COL6A5: variants seen among roughly 807,000 people sequenced by gnomAD.
COL6A5 encodes the protein collagen type VI alpha 5 chain, also known as collagen alpha-5(VI) chain.
Under a neutral mutation model 65.6 loss-of-function variants are expected in COL6A5, and 48 were observed. That is an observed-to-expected ratio of 0.73 (90% CI 0.58 to 0.93). The LOEUF (loss-of-function observed/expected upper bound fraction) is 0.93, where lower values mean the gene tolerates loss of function less well. Ranked by LOEUF, COL6A5 falls within the 40% of genes least tolerant of loss-of-function variation. The pLI, the probability that COL6A5 is intolerant of heterozygous loss-of-function variation, is 0.00. For missense variants in COL6A5, 914 were observed against 928.3 expected (o/e 0.98, Z 0.20); for synonymous variants, 291 against 322.8 (o/e 0.90, Z 1.05).
chr3:130,424,053 T>A (rs541148277), intron 29 of COL6A5, among the ~76,000 whole-genome samples, 153 bp downstream of exon 29: 6 of 152,236 alleles, frequency 3.9e-5, no homozygotes, highest in Admixed American at 1.3e-4. Context: ...TTGAGTTTAT[T>A]TCTAAAATGA....
At chr3:130,406,752 C>T (rs1253305957) in intron 17 of COL6A5, among the ~76,000 whole-genome samples, 4 of 151,778 alleles carry the variant, frequency 2.6e-5, no homozygotes, top group African/African-American at 9.7e-5. Context: ...CATTTTTTAA[C>T]TTTACATTTA....
intron 7 of COL6A5, among the ~76,000 whole-genome samples, chr3:130,480,066 C>T (rs1486052451): frequency 6.6e-6 from 1 of 151,882 alleles, no homozygotes; most frequent in African/African-American, 2.4e-5. Flanking sequence ...CTTCAAGATC[C>T]ATCGATGTAA....
At chr3:130,449,257 T>C (rs1401763000) in intron 4 of COL6A5, among the ~76,000 whole-genome samples, 2 of 152,164 alleles carry the variant, frequency 1.3e-5, no homozygotes, top group Non-Finnish European at 2.9e-5. Flanking sequence ...TGTTTTCTTT[T>C]ATAGTAACTG....
chr3:130,390,643 G>GA (rs1008304171), intron 6 of COL6A5, among the ~76,000 whole-genome samples: 3 of 152,094 alleles, frequency 2.0e-5, no homozygotes, highest in African/African-American at 7.2e-5. Flanking sequence ...AAGGTTAGGG[G>GA]AAAAAGCATA....
intron 6 of COL6A5, among the ~76,000 whole-genome samples, chr3:130,390,212 A>T (rs1936345499): frequency 6.6e-6 from 1 of 152,088 alleles, no homozygotes; most frequent in Admixed American, 6.6e-5. Flanking sequence ...ATTAATGTAA[A>T]TGTGGAGGCC....
chr3:130,353,730 AAAG>A (rs1314947608), intron 1 of COL6A5, among the ~76,000 whole-genome samples: 3 of 151,794 alleles, frequency 2.0e-5, no homozygotes, highest in Non-Finnish European at 4.4e-5. Context: ...TCTGAAAAAA[AAAG>A]AACAAAAGGA....
rs59570237 is a variant in COL6A5 at position 130,468,658 on chromosome 3, AT to A, written c.1545-136del. 4.0e-3 allele frequency: 2,576 copies of A among 637,366 alleles called. 63 individuals carry two copies. The African/African-American group carries it at 0.043, about 11-fold the overall frequency. 39.5% of individuals were successfully genotyped at this position (637,366 alleles called of 1,614,324 possible). On this transcript the variant is annotated intron_variant, in intron 5 of 7. Coordinates refer to ENST00000512836, the Ensembl canonical transcript of COL6A5. Reference sequence around the variant, plus strand: ...TGGAGGGTGCATCTGGGAACAAGCAATGTGATTATTGATGTCTGCCATGAGT... The same window carrying A: ...TGGAGGGTGCATCTGGGAACAAGCAAGTGATTATTGATGTCTGCCATGAGT...
intron 28 of COL6A5, among the ~76,000 whole-genome samples, chr3:130,423,199 C>T (rs977101137): frequency 1.3e-5 from 2 of 152,168 alleles, no homozygotes; most frequent in Non-Finnish European, 2.9e-5. Context: ...CACTATCCAT[C>T]ACAAGGTCAT....
chr3:130,376,537 C>T (rs1329269378), exon 3 of COL6A5: 1 of 1,606,016 alleles, frequency 6.2e-7, no homozygotes, highest in Admixed American at 1.7e-5. Context: ...ACCTACTTCT[C>T]TGCACCCATA....
chr3:130,445,697 G>A (rs1413145606), intron 4 of COL6A5, among the ~76,000 whole-genome samples: 5 of 152,056 alleles, frequency 3.3e-5, no homozygotes, highest in African/African-American at 4.8e-5. Flanking sequence ...CTTTATCTTC[G>A]CATTTTAAGG....
intron 1 of COL6A5, among the ~76,000 whole-genome samples, chr3:130,355,051 C>CT (rs146952892): frequency 0.15 from 22,743 of 151,518 alleles, 2,241 homozygotes; most frequent in Non-Finnish European, 0.22. Flanking sequence ...TTAATTTCAC[C>CT]TTTTTTTTAC....
At chr3:130,384,447 A>C (rs1367525090) in intron 4 of COL6A5, among the ~76,000 whole-genome samples, 1 of 152,066 alleles carries the variant, frequency 6.6e-6, no homozygotes, top group Non-Finnish European at 1.5e-5. Context: ...CGTCAATCCC[A>C]TGCCTTTTTT....
At chr3:130,393,715 G>C (rs1012547192) in intron 7 of COL6A5, among the ~76,000 whole-genome samples, 1 of 152,186 alleles carries the variant, frequency 6.6e-6, no homozygotes, top group African/African-American at 2.4e-5. Context: ...GCTAAACAAA[G>C]CTCCAAACCT....
At chr3:130,466,742 A>G (rs1709826950) in intron 5 of COL6A5, among the ~76,000 whole-genome samples, 1 of 152,026 alleles carries the variant, frequency 6.6e-6, no homozygotes, top group Admixed American at 6.6e-5. Context: ...GAACAAAGAG[A>G]AGACACAACT....
chr3:130,415,599 C>G, intron 22 of COL6A5, 46 bp from the exon 23 acceptor site: 1 of 1,503,646 alleles, frequency 6.7e-7, no homozygotes, highest in Non-Finnish European at 9.0e-7. Context: ...GAGAAGTAAG[C>G]TTTCATTGAC....
At chr3:130,461,272 G>A (rs1012770385) in intron 5 of COL6A5, among the ~76,000 whole-genome samples, 4 of 151,800 alleles carry the variant, frequency 2.6e-5, no homozygotes, top group African/African-American at 9.7e-5. Context: ...TGCTTTGGGG[G>A]GATCAATATT....
chr3:130,391,515 A>G, exon 7 of COL6A5: 1 of 1,551,762 alleles, frequency 6.4e-7, no homozygotes. Flanking sequence ...AATGTGAAGC[A>G]GATGCTGATT....
At chr3:130,411,613 G>C (rs1376653788) in intron 20 of COL6A5, among the ~76,000 whole-genome samples, 1 of 152,170 alleles carries the variant, frequency 6.6e-6, no homozygotes, top group Non-Finnish European at 1.5e-5. Context: ...AATGTAATAA[G>C]AGGAAGCAGT....
At chr3:130,362,310 ATATATATATATATATATTTTT>A (rs1306385194) in intron 1 of COL6A5, among the ~76,000 whole-genome samples, 1,040 of 76,692 alleles carry the variant, frequency 0.014, 51 homozygotes, top group African/African-American at 0.023. Flanking sequence ...ATATATATAT[ATATATATATATATATATTTTT>A]TTTTTTTTTT....
Sources: allele counts gnomAD v4.1 joint callset (sites outside exome capture counted in the v4.1 genomes callset), GRCh38; gene constraint gnomAD v4.1.1; transcripts MANE v1.5; gene names NCBI Gene and HGNC (gene_info 2026-07-23, HGNC 2026-07-21).